DNASE1L1: variants seen among roughly 807,000 people sequenced by gnomAD.
DNASE1L1 encodes deoxyribonuclease 1 like 1.
Under a neutral mutation model 18.6 loss-of-function variants are expected in DNASE1L1, and 8 were observed. That is an observed-to-expected ratio of 0.43 (90% CI 0.25 to 0.78). The LOEUF (loss-of-function observed/expected upper bound fraction) is 0.78. DNASE1L1 is among the 30% of genes least tolerant of loss of function. The pLI is 0.23. For synonymous variants in DNASE1L1, 114 were observed against 114.2 expected (o/e 1.00, Z 0.01); for missense variants, 214 against 258.2 (o/e 0.83, Z 1.17).
At chrX:154,406,885 C>T (rs887304853) in intron 1 of DNASE1L1, among the ~76,000 whole-genome samples, 4 of 110,506 alleles carry the variant, frequency 3.6e-5, no homozygotes, top group African/African-American at 6.6e-5. Context: ...TGAGCCAGAG[C>T]GCCCAGCCCC....
upstream of DNASE1L1, chrX:154,411,586 G>T (rs1557190426): frequency 1.2e-5 from 5 of 419,585 alleles, no homozygotes; most frequent in East Asian, 5.5e-5. Flanking sequence ...CCGCCTTCCC[G>T]TTTCCTCCCG....
rs782664654 is a variant in DNASE1L1, at chrX:154,403,368, C to T, written c.426G>A (p.Leu142=). The change falls in exon 6 of 8, where the codon CTG becomes CTA. Residue 142 remains leucine, a synonymous_variant. Transcript: ENST00000369807. ...GAGTGGTGTGCAGCGGGACCAACAC[C>T]AGGCTGGGAAGGACTGCAAGGCCCA... The part of the protein sequence containing the change: ...FSLPSNVLPS[L]VLVPLHTTPK... The T allele has an allele frequency of 1.7e-6, 2 of 1,211,455 alleles. No homozygotes were observed. Among genetic ancestry groups the T allele is most frequent in the Admixed American group, 4.3e-5 (2 of 46,064 alleles).
At position 154,402,654 on chromosome X, in the gene DNASE1L1, G is replaced by A; in HGVS notation, c.*53C>T. Reference sequence around the variant, plus strand: ...GCCCCAGGGCTGGATGGACGGGGGAGGCTGGGGTTTAAGTCCCAAAAGGCA... The same window carrying A: ...GCCCCAGGGCTGGATGGACGGGGGAAGCTGGGGTTTAAGTCCCAAAAGGCA... On this transcript the variant is annotated 3_prime_UTR_variant, in exon 8 of 8. Coordinates refer to ENST00000369807, the MANE Select transcript of DNASE1L1 (RefSeq NM_001303620.2). The A allele has an allele frequency of 1.7e-6, 2 of 1,145,224 alleles. No individual in the cohort carries two copies. Among genetic ancestry groups the A allele is most frequent in the East Asian group, 3.1e-5 (1 of 32,045 alleles). The allele number at this position is 1,145,224 out of a possible 1,213,427, so 94.4% of individuals were successfully genotyped here.
In DNASE1L1 at chrX:154,405,018, C is replaced by G. The variant is rs1130929; in HGVS notation, c.201G>C (p.Pro67=). The part of the protein sequence containing the change: ...EVVDSSGSAI[P]LLLRELNRFD... ...ACCGATTGAGTTCTCGAAGCAGGAG[C>G]GGGATGGCGCTGCCGGAAGAGTCCA... is the stretch of plus-strand genomic sequence containing the variant. The change falls in exon 3 of 8, where the codon CCG becomes CCC. Residue 67 remains proline (P), a synonymous_variant. Transcript: ENST00000369807. 181,296 of 1,208,022 alleles carry G rather than the reference C, an allele frequency of 0.15. 16,716 individuals are homozygous for G. The highest frequency in any genetic ancestry group is 0.7 in the African/African-American group (39,938 of 56,915).
chrX:154,408,996 C>G (rs1468536731), intron 1 of DNASE1L1, 116 bp downstream of exon 1: 1 of 268,577 alleles, frequency 3.7e-6, no homozygotes, highest in Non-Finnish European at 7.5e-6. Context: ...AGCCCCAAAC[C>G]CTGGCTGTCA....
At chrX:154,406,298 A>C (rs1359418785) in intron 1 of DNASE1L1, among the ~76,000 whole-genome samples, 1 of 107,874 alleles carries the variant, frequency 9.3e-6, no homozygotes, top group East Asian at 2.9e-4. Context: ...TCATGGCTGA[A>C]TCATATTCCA....
In DNASE1L1 at chrX:154,403,026, C is replaced by T. The variant is rs1222396398; in HGVS notation, c.690G>A (p.Val230=). 1.7e-5 allele frequency: 20 copies of T among 1,210,410 alleles called. No individual in the cohort carries two copies. The highest frequency in any genetic ancestry group is 2.2e-5 in the Non-Finnish European group (20 of 895,358). Residue 230 remains valine, a synonymous_variant, in exon 7 of 8, where the codon GTG becomes GTA. Coordinates refer to ENST00000369807, the MANE Select transcript of DNASE1L1 (RefSeq NM_001303620.2). ...GACTCCGGCAGCGCTCCCCGTGCAG[C>T]ACGACGCGGTCATAGGTGCAGTGGG... ...ASTHCTYDRV[V]LHGERCRSLL...
In DNASE1L1 at chrX:154,404,989, C is replaced by T; in HGVS notation, c.224+6G>A. 8.3e-7 allele frequency: 1 copy of T among 1,209,252 alleles called. No homozygotes were observed. Among genetic ancestry groups the T allele is most frequent in the Non-Finnish European group, 1.1e-6 (1 of 893,641 alleles). On this transcript the variant is annotated splice_donor_region_variant and intron_variant, in intron 3 of 7. Coordinates refer to ENST00000369807, the MANE Select transcript of DNASE1L1 (RefSeq NM_001303620.2). The stretch of plus-strand genomic sequence containing the variant: ...CCCCTGATTAGACCCACAGAATCTT[C>T]CTCACCGATTGAGTTCTCGAAGCAG...
rs782588453 is a variant in DNASE1L1 at position 154,406,433 on chromosome X, G to A, written c.-87-778C>T. Among the ~76,000 whole-genome samples the A allele has an allele frequency of 1.6e-3, 154 of 97,516 alleles. 3 individuals are homozygous for A. The highest frequency in any genetic ancestry group is 5.4e-3 in the Middle Eastern group (1 of 185). 84.7% of individuals were successfully genotyped at this position (97,516 alleles called of 115,157 possible). A position where few individuals can be genotyped will look rare whatever the true frequency, so the allele number is the denominator to read the frequency against. On this transcript the variant is annotated intron_variant, in intron 1 of 7. Coordinates refer to ENST00000369807, the MANE Select transcript of DNASE1L1 (RefSeq NM_001303620.2). ...TGCCCGGGCTGGAGTGCAATGGTGCGATCTCGGCTTACTGCAACCTCTGCC... is the reference window on the plus strand; with the variant it reads ...TGCCCGGGCTGGAGTGCAATGGTGCAATCTCGGCTTACTGCAACCTCTGCC...
rs1262505041 is a variant in DNASE1L1 at position 154,405,312 on chromosome X, G to C, written c.135+122C>G. 4 of 1,070,573 alleles carry C rather than the reference G, an allele frequency of 3.7e-6. No individual in the cohort carries two copies. The African/African-American group carries it at 7.5e-5, about 20-fold the overall frequency. 88.2% of individuals were successfully genotyped at this position (1,070,573 alleles called of 1,213,427 possible). ...CCAGCAGCAGGCAAGCGCCTGCGCT[G>C]CATCTCCGTGCCACACCTCTTCTTC... On this transcript the variant is annotated intron_variant, in intron 2 of 7. Transcript: ENST00000369807.
intron 1 of DNASE1L1, among the ~76,000 whole-genome samples, chrX:154,407,767 CTTTTTTTTT>C (rs1232966344): frequency 4.2e-4 from 30 of 71,558 alleles, no homozygotes; most frequent in African/African-American, 1.5e-3. Flanking sequence ...GGCCCCCCCC[CTTTTTTTTT>C]TTTTTTTTTT....
chrX:154,405,993 A>G (rs1419453681), intron 1 of DNASE1L1, among the ~76,000 whole-genome samples: 1 of 100,534 alleles, frequency 9.9e-6, no homozygotes, highest in Non-Finnish European at 2.0e-5. Flanking sequence ...TTTTTTTGAG[A>G]CGGAGTCTCA....
chrX:154,403,570 C>T lies in DNASE1L1; in HGVS notation c.364G>A (p.Val122Ile), dbSNP rs34952165. Residue 122 changes from valine to isoleucine, a missense_variant, in exon 5 of 8, where the codon GTC (valine) becomes ATC (isoleucine). Val to Ile is a conservative substitution (Grantham distance 29). Transcript: ENST00000369807. ...SSYVYNDEDD[V>I]FAREPFVAQF... is the part of the protein sequence containing the mutation. ...GCCACAAATGGCTCCCGGGCAAAGA[C>T]GTCATCCTCATCGTTGTACACGTAG... 52,378 of 1,210,446 alleles carry T rather than the reference C, an allele frequency of 0.043. 900 individuals are homozygous for T. The highest frequency in any genetic ancestry group is 0.05 in the Non-Finnish European group (45,081 of 895,155).
chrX:154,411,876 G>C (rs782158312), upstream of DNASE1L1: 12 of 1,203,105 alleles, frequency 1.0e-5, no homozygotes, highest in Non-Finnish European at 1.1e-6. Context: ...CGTTCCCCGC[G>C]GTGCCGCCGC....
chrX:154,402,492 G>A lies in DNASE1L1; in HGVS notation c.*215C>T, dbSNP rs1424020828. The A allele has an allele frequency of 2.6e-6, 1 of 382,591 alleles. No individual in the cohort carries two copies. The highest frequency in any genetic ancestry group is 4.5e-6 in the Non-Finnish European group (1 of 221,329). The allele number at this position is 382,591 out of a possible 1,213,427, so 31.5% of individuals were successfully genotyped here. On this transcript the variant is annotated 3_prime_UTR_variant, in exon 8 of 8. Transcript: ENST00000369807. ...TCCACTCCTGATACTACACTACCTG[G>A]CAGGTGGCATGAGTGCAGGGCCCCT... is the stretch of plus-strand genomic sequence containing the variant.
rs782735749 is a variant in DNASE1L1, at chrX:154,403,028, C to T, written c.688G>A (p.Val230Met). Residue 230 changes from valine (V) to methionine (M), a missense_variant, in exon 7 of 8, where the codon GTG becomes ATG. Val to Met is a conservative substitution (Grantham distance 21, BLOSUM62 1). Coordinates refer to ENST00000369807, the MANE Select transcript of DNASE1L1 (RefSeq NM_001303620.2). ...CTCCGGCAGCGCTCCCCGTGCAGCACGACGCGGTCATAGGTGCAGTGGGTG... is the reference window on the plus strand; with the variant it reads ...CTCCGGCAGCGCTCCCCGTGCAGCATGACGCGGTCATAGGTGCAGTGGGTG... ...ASTHCTYDRV[V>M]LHGERCRSLL... 5.0e-6 allele frequency: 6 copies of T among 1,210,378 alleles called. No homozygotes were observed. Among genetic ancestry groups the T allele is most frequent in the Non-Finnish European group, 6.7e-6 (6 of 895,349 alleles).
upstream of DNASE1L1, chrX:154,409,643 A>C (rs2068224656): frequency 8.6e-6 from 1 of 116,634 alleles, no homozygotes; most frequent in African/African-American, 3.2e-5. Context: ...GTGGCTGCAC[A>C]CTTCTGAGTT....
intron 1 of DNASE1L1, among the ~76,000 whole-genome samples, chrX:154,407,757 G>A (rs12558914): frequency 0.12 from 10,712 of 91,769 alleles, 585 homozygotes; most frequent in South Asian, 0.16. Flanking sequence ...CACCGCGCCC[G>A]GCCCCCCCCC....
rs1197299714 is a variant in DNASE1L1, at chrX:154,405,622, G to A, written c.-54C>T. Reference sequence around the variant, plus strand: ...AGGAATCCAGGCTGCCCCAGGGTGCGCTCTCACTGGGCTCAGTTCTGGCTC... The same window carrying A: ...AGGAATCCAGGCTGCCCCAGGGTGCACTCTCACTGGGCTCAGTTCTGGCTC... On this transcript the variant is annotated 5_prime_UTR_variant, in exon 2 of 8. Transcript: ENST00000369807. 24 of 1,058,418 alleles carry A rather than the reference G, an allele frequency of 2.3e-5. No homozygotes were observed. The highest frequency in any genetic ancestry group is 1.7e-4 in the African/African-American group (9 of 52,708). The allele number at this position is 1,058,418 out of a possible 1,213,427, so 87.2% of individuals were successfully genotyped here. A position where few individuals can be genotyped will look rare whatever the true frequency, so the allele number is the denominator to read the frequency against.
Sources: allele counts gnomAD v4.1 joint callset (sites outside exome capture counted in the v4.1 genomes callset), GRCh38; gene constraint gnomAD v4.1.1; transcripts MANE v1.5; gene names NCBI Gene and HGNC (gene_info 2026-07-23, HGNC 2026-07-21).